The following CHL1 variants were observed in gnomAD, a reference collection of about 807,000 sequenced individuals.
The protein encoded by CHL1 is neural cell adhesion molecule L1-like protein.
Under a neutral mutation model 141.9 loss-of-function variants are expected in CHL1, and 96 were observed. The ratio of observed to expected loss-of-function variants is 0.68; its 90% CI spans 0.57 to 0.80. CHL1 has a LOEUF of 0.80. CHL1 is among the 30% of genes least tolerant of loss of function. The probability of loss-of-function intolerance (pLI) is 0.00; values close to 1 mark genes in which losing one functional copy is unlikely to be tolerated. For missense variants in CHL1, 1,820 were observed against 1,457.2 expected (o/e 1.25, Z -4.05); for synonymous variants, 613 against 502.2 (o/e 1.22, Z -2.95).
rs1238616872 is a variant in CHL1, at chr3:386,003, TCACTAC to T, written c.2247+2118_2247+2123del. On this transcript the variant is annotated intron_variant, in intron 19 of 27. Coordinates refer to ENST00000256509, the MANE Select transcript of CHL1 (RefSeq NM_006614.4). ...TTATCTTGATGTGTCAGAGATCTAA[TCACTAC>T]TGACACAGCCAGTGAAGTTTAAGAA... 7.2e-5 allele frequency among the ~76,000 whole-genome samples: 11 copies of T among 152,172 alleles called. No individual in the cohort carries two copies. The East Asian group carries it at 2.1e-3, about 29-fold the overall frequency.
At chr3:250,569 A>C (rs1693595684) in intron 2 of CHL1, among the ~76,000 whole-genome samples, 1 of 152,044 alleles carries the variant, frequency 6.6e-6, no homozygotes, top group African/African-American at 2.4e-5. Flanking sequence ...GGGAACGGGG[A>C]AGACCCTCAC....
intron 1 of CHL1, among the ~76,000 whole-genome samples, chr3:220,409 T>TA (rs1441913451): frequency 6.6e-6 from 1 of 152,254 alleles, no homozygotes; most frequent in Non-Finnish European, 1.5e-5. Flanking sequence ...TTCGAGGCTG[T>TA]AGCATGGGTG....
intron 5 of CHL1, among the ~76,000 whole-genome samples, chr3:336,670 A>G (rs1449225149): frequency 6.6e-6 from 1 of 152,156 alleles, no homozygotes; most frequent in Non-Finnish European, 1.5e-5. Flanking sequence ...CTGGGCTAGA[A>G]CCTAGTTTAT....
At chr3:216,686 A>G (rs190504500) in intron 1 of CHL1, among the ~76,000 whole-genome samples, 2 of 152,360 alleles carry the variant, frequency 1.3e-5, no homozygotes, top group Admixed American at 6.5e-5. Flanking sequence ...CTGTAGGCAT[A>G]TGATGCCATG....
rs370787668 is a variant in CHL1 at position 389,218 on chromosome 3, G to A, written c.2248-34G>A. 13 of 1,530,974 alleles carry A rather than the reference G, an allele frequency of 8.5e-6. No individual in the cohort carries two copies. In the African/African-American group the frequency reaches 1.1e-4, roughly 13 times the overall value. The allele number at this position is 1,530,974 out of a possible 1,614,324, so 94.8% of individuals were successfully genotyped here. On this transcript the variant is annotated intron_variant, in intron 19 of 27. Transcript: ENST00000256509. ...ATCATCTCTGAGTCAACACATCTGT[G>A]ATCAGACTAAATGAGTCTTGCCTTC...
intron 1 of CHL1, among the ~76,000 whole-genome samples, chr3:198,986 T>C (rs1289292106): frequency 6.6e-6 from 1 of 152,258 alleles, no homozygotes; most frequent in Non-Finnish European, 1.5e-5. Flanking sequence ...ATAAAAAGTT[T>C]ATCCCAGAGT....
chr3:198,311 G>A (rs1698579650), intron 1 of CHL1, among the ~76,000 whole-genome samples: 1 of 151,994 alleles, frequency 6.6e-6, no homozygotes, highest in Non-Finnish European at 1.5e-5. Flanking sequence ...AGCAGCCCCA[G>A]GGCCGGCGAG....
At chr3:372,311 A>T (rs1175551771) in intron 15 of CHL1, among the ~76,000 whole-genome samples, 1 of 151,968 alleles carries the variant, frequency 6.6e-6, no homozygotes, top group Non-Finnish European at 1.5e-5. Context: ...ATTCCTTTGC[A>T]TTCTTTTTTC....
rs761437125 is a variant in CHL1, at chr3:360,243, T to C, written c.1166-41T>C. On this transcript the variant is annotated intron_variant, in intron 11 of 27. Transcript: ENST00000256509. ...ATAAATGGTGTATAAATATTTTATGTCCTGTTCCTTATCAAACTGACATTC... is the reference window on the plus strand; with the variant it reads ...ATAAATGGTGTATAAATATTTTATGCCCTGTTCCTTATCAAACTGACATTC... The C allele has an allele frequency of 8.1e-6, 13 of 1,606,648 alleles. No individual in the cohort carries two copies. The East Asian group carries it at 2.2e-4, about 28-fold the overall frequency.
chr3:309,062 T>A (rs1699509767), intron 2 of CHL1: 1 of 152,382 alleles, frequency 6.6e-6, no homozygotes, highest in African/African-American at 2.4e-5. Context: ...GCAGGCCGGC[T>A]GGCTGTGGGT....
rs539007559 is a variant in CHL1, at chr3:354,652, G to A, written c.1046G>A (p.Trp349Ter). 6.2e-7 allele frequency: 1 copy of A among 1,612,456 alleles called. No individual in the cohort carries two copies. Among genetic ancestry groups the A allele is most frequent in the South Asian group, 1.1e-5 (1 of 90,848 alleles). The stretch of plus-strand genomic sequence containing the variant: ...ACTTTACATCCAGAGCCTCCTCGCT[G>A]GACAAAGAAGCCTCAGAGTGCTGTG... ...FHVIVEEPPR[W>*]TKKPQSAVYS... is the part of the protein sequence containing the mutation. The change falls in exon 11 of 28, where the codon TGG (tryptophan) becomes TAG (stop). Residue 349 changes from tryptophan (W) to a stop codon, truncating the protein, a stop_gained. Coordinates refer to ENST00000256509, the MANE Select transcript of CHL1 (RefSeq NM_006614.4). LOFTEE classifies it high-confidence loss of function.
rs1704122845 is a variant in CHL1, at chr3:360,428, A to C, written c.1306+4A>C. On this transcript the variant is annotated splice_donor_region_variant and intron_variant, in intron 12 of 27. Coordinates refer to ENST00000256509, the MANE Select transcript of CHL1 (RefSeq NM_006614.4). ...AATGCCAATATTGATGTTGTGGGTG[A>C]GTGTGCCTGGGAGCTGACTTAACAT... 1.9e-6 allele frequency: 3 copies of C among 1,613,136 alleles called. No individual in the cohort carries two copies. Among genetic ancestry groups the C allele is most frequent in the Non-Finnish European group, 2.5e-6 (3 of 1,179,520 alleles).
intron 2 of CHL1, among the ~76,000 whole-genome samples, chr3:284,782 T>C (rs1052079723): frequency 4.5e-4 from 67 of 149,976 alleles, no homozygotes; most frequent in Admixed American, 6.6e-4. Context: ...TTTTTTTTTT[T>C]CTCCAACCTC....
chr3:310,076 A>C (rs1699625006), intron 2 of CHL1, among the ~76,000 whole-genome samples: 1 of 152,168 alleles, frequency 6.6e-6, no homozygotes, highest in Non-Finnish European at 1.5e-5. Flanking sequence ...GAAAAAAATA[A>C]AGAGGAGACA....
intron 1 of CHL1, among the ~76,000 whole-genome samples, chr3:230,938 C>A (rs1005917715): frequency 6.6e-6 from 1 of 152,122 alleles, no homozygotes; most frequent in Non-Finnish European, 1.5e-5. Flanking sequence ...CATGAAGGCA[C>A]GTGCATATTT....
chr3:352,212 A>T (rs974411788), intron 10 of CHL1, among the ~76,000 whole-genome samples: 17 of 152,158 alleles, frequency 1.1e-4, no homozygotes, highest in African/African-American at 4.1e-4. Flanking sequence ...TAACAAACCT[A>T]TTTCTAAAAT....
chr3:343,156 C>G, intron 8 of CHL1, 125 bp downstream of exon 8: 1 of 686,050 alleles, frequency 1.5e-6, no homozygotes, highest in Non-Finnish European at 2.3e-6. Flanking sequence ...AACATCTGAA[C>G]TTAGAGGGTT....
At chr3:360,002 A>G (rs951667344) in intron 11 of CHL1, among the ~76,000 whole-genome samples, 2 of 152,220 alleles carry the variant, frequency 1.3e-5, no homozygotes, top group African/African-American at 4.8e-5. Context: ...AGGATAATCC[A>G]GAATAGTGCC....
chr3:383,479 CTTAAA>C (rs1436292754), intron 18 of CHL1, among the ~76,000 whole-genome samples: 7 of 152,038 alleles, frequency 4.6e-5, no homozygotes, highest in African/African-American at 1.4e-4. Context: ...ATAGAGCAGG[CTTAAA>C]TTAAAATTTT....
Sources: gnomAD v4.1 joint callset for allele counts (sites outside exome capture counted in the v4.1 genomes callset) on GRCh38, gnomAD v4.1.1 for gene constraint, MANE v1.5 for transcripts, NCBI Gene and HGNC (gene_info 2026-07-23, HGNC 2026-07-21) for gene names.